DKC1: variants seen among roughly 807,000 people sequenced by gnomAD.
The protein encoded by DKC1 is dyskerin pseudouridine synthase 1, also known as H/ACA ribonucleoprotein complex subunit DKC1.
Under a neutral mutation model 46.7 loss-of-function variants are expected in DKC1, and 4 were observed. The ratio of observed to expected loss-of-function variants is 0.09; its 90% CI spans 0.04 to 0.20. The LOEUF (loss-of-function observed/expected upper bound fraction) is 0.20. DKC1 is among the 10% of genes least tolerant of loss of function. The pLI, the probability that DKC1 is intolerant of heterozygous loss-of-function variation, is 1.00. For synonymous variants in DKC1, 141 were observed against 142.4 expected, an observed-to-expected ratio of 0.99 and a Z score of 0.07; for missense variants, 171 against 404.2, an observed-to-expected ratio of 0.42 and a Z score of 4.95.
At chrX:154,775,049 C>T (rs782213857) in intron 12 of DKC1, 146 bp from the exon 13 acceptor site, 9 of 615,507 alleles carry the variant, frequency 1.5e-5, no homozygotes, top group South Asian at 1.1e-4. Context: ...TAGAGGGAGT[C>T]AGTCTGCAAC....
chrX:154,767,029 A>G lies in DKC1; in HGVS notation c.481A>G (p.Asn161Asp). 1 of 1,211,575 alleles carries G rather than the reference A, an allele frequency of 8.3e-7. No individual in the cohort carries two copies. Among genetic ancestry groups the G allele is most frequent in the Non-Finnish European group, 1.1e-6 (1 of 895,340 alleles). The change falls in exon 6 of 15, where the codon AAT becomes GAT. Residue 161 changes from asparagine to aspartate, a missense_variant. Transcript: ENST00000369550. ...KEYVGIVRLHNAIEGGTQLSR... is the reference protein window; with the variant it reads ...KEYVGIVRLHDAIEGGTQLSR... The stretch of plus-strand genomic sequence containing the variant: ...GTATGTGGGGATTGTCCGGCTGCAC[A>G]ATGCTATTGAAGGGGGGACCCAGCT...
In DKC1 at chrX:154,766,014, A is replaced by G. The variant is rs782490890; in HGVS notation, c.263+16A>G. ...ACTATATCAGGTAAGTGTTGGGAGGAGGCACTGTGCAAACTTACTTTCTTT... is the reference window on the plus strand; with the variant it reads ...ACTATATCAGGTAAGTGTTGGGAGGGGGCACTGTGCAAACTTACTTTCTTT... On this transcript the variant is annotated intron_variant, in intron 4 of 14. Transcript: ENST00000369550. The G allele has an allele frequency of 1.4e-5, 16 of 1,151,117 alleles. No homozygotes were observed. The highest frequency in any genetic ancestry group is 1.9e-5 in the Non-Finnish European group (16 of 841,244). 94.9% of individuals were successfully genotyped at this position (1,151,117 alleles called of 1,213,427 possible). A position where few individuals can be genotyped will look rare whatever the true frequency, so the allele number is the denominator to read the frequency against.
intron 9 of DKC1, among the ~76,000 whole-genome samples, chrX:154,769,898 T>C (rs1368119784): frequency 9.0e-6 from 1 of 111,153 alleles, no homozygotes; most frequent in Non-Finnish European, 1.9e-5. Context: ...GAGGGGAGAA[T>C]GTGATCAAAA....
In DKC1 at chrX:154,776,271, A is replaced by G; in HGVS notation, c.1423A>G (p.Lys475Glu). The change falls in exon 14 of 15, where the codon AAG becomes GAG. Residue 475 changes from lysine to glutamate, a missense_variant. Around this residue, in one of 4 missense-constraint regions of DKC1, gnomAD observed 54 missense variants for 64.4 expected, o/e 0.84. Transcript: ENST00000369550. ...LIKKEKKKSK[K>E]DKKAKAGLES... ...CAAGAAGGAAAAGAAGAAGAGTAAG[A>G]AGGACAAGAAGGCCAAAGCTGGTCT... The G allele has an allele frequency of 1.7e-6, 2 of 1,209,595 alleles. No individual in the cohort carries two copies.
chrX:154,773,935 A>ACC (rs1297904648), intron 11 of DKC1, among the ~76,000 whole-genome samples: 9 of 97,348 alleles, frequency 9.2e-5, no homozygotes, highest in Non-Finnish European at 1.5e-4. Context: ...GGGGGGGCTG[A>ACC]CCCCCCCCCA....
At chrX:154,770,467 TAAA>T (rs150045442) in intron 9 of DKC1, among the ~76,000 whole-genome samples, 1 of 67,790 alleles carries the variant, frequency 1.5e-5, no homozygotes. Context: ...GCCTGAAAAT[TAAA>T]AAAAAAAAAA....
chrX:154,769,044 A>C, intron 8 of DKC1, 123 bp from the exon 9 acceptor site: 1 of 587,675 alleles, frequency 1.7e-6, no homozygotes, highest in Non-Finnish European at 2.8e-6. Context: ...CCAGGACTGA[A>C]GAGGCTGAAG....
rs782427674 is a variant in DKC1, at chrX:154,762,952, C to T, written c.-14C>T. ...GGCTGTGGACCGGGCGGCACGCACG[C>T]GGTGCAGGGTAACATGGCGGATGCG... On this transcript the variant is annotated 5_prime_UTR_variant, in exon 1 of 15. Transcript: ENST00000369550. 5 of 1,178,836 alleles carry T rather than the reference C, an allele frequency of 4.2e-6. No homozygotes were observed. The East Asian group carries it at 1.6e-4, about 37-fold the overall frequency.
intron 5 of DKC1, chrX:154,766,609 A>C (rs1035046384): frequency 4.5e-6 from 2 of 448,644 alleles, no homozygotes; most frequent in African/African-American, 4.9e-5. Flanking sequence ...GCATGTATTC[A>C]TCAAGCTGAC....
At chrX:154,770,931 A>T in intron 10 of DKC1, 52 bp downstream of exon 10, 1 of 1,145,666 alleles carries the variant, frequency 8.7e-7, no homozygotes, top group Admixed American at 2.2e-5. Flanking sequence ...GTTACATACT[A>T]GGTGTATATA....
chrX:154,763,893 G>C (rs1175212198), intron 1 of DKC1, among the ~76,000 whole-genome samples: 1 of 111,679 alleles, frequency 9.0e-6, no homozygotes, highest in African/African-American at 3.3e-5. Context: ...GCACAGGGCC[G>C]GGCGCGGTGG....
rs2071882585 is a variant in DKC1, at chrX:154,775,287, T to C, written c.1338+14T>C. 1.7e-6 allele frequency: 2 copies of C among 1,201,900 alleles called. No individual in the cohort carries two copies. The highest frequency in any genetic ancestry group is 2.2e-5 in the Admixed American group (1 of 45,911). ...AAAACTGCGAAGGTGAGTGGCATGC[T>C]GTCCTCAGTTTGGAATGTGCTTAGG... On this transcript the variant is annotated intron_variant, in intron 13 of 14. Coordinates refer to ENST00000369550, the MANE Select transcript of DKC1 (RefSeq NM_001363.5).
chrX:154,775,962 CTGTGCTCCTTCTCT>C lies in DKC1; in HGVS notation c.1339-219_1339-206del, dbSNP rs1473537719. Among the ~76,000 whole-genome samples the C allele has an allele frequency of 2.7e-5, 3 of 112,311 alleles. No homozygotes were observed. The East Asian group carries it at 8.4e-4, about 31-fold the overall frequency. ...TTCCACCCCAAGCCCCGTGCTGCTGCTGTGCTCCTTCTCTTGTGCCTGCCTCAAGGCTTCTTGGA... is the reference window on the plus strand; with the variant it reads ...TTCCACCCCAAGCCCCGTGCTGCTGCTGTGCCTGCCTCAAGGCTTCTTGGA... On this transcript the variant is annotated intron_variant, in intron 13 of 14. Coordinates refer to ENST00000369550, the MANE Select transcript of DKC1 (RefSeq NM_001363.5).
At chrX:154,771,537 C>A (rs1011569417) in intron 10 of DKC1, among the ~76,000 whole-genome samples, 1 of 107,635 alleles carries the variant, frequency 9.3e-6, no homozygotes, top group Non-Finnish European at 1.9e-5. Context: ...GCCAGCCCCC[C>A]ACTACCCTCC....
At position 154,769,307 on chromosome X, in the gene DKC1, T is replaced by C. The variant is rs782525899; in HGVS notation, c.912T>C (p.Ser304=). The C allele has an allele frequency of 8.3e-7, 1 of 1,211,390 alleles. No homozygotes were observed. Among genetic ancestry groups the C allele is most frequent in the Non-Finnish European group, 1.1e-6 (1 of 894,997 alleles). The change falls in exon 9 of 15, where the codon AGT becomes AGC. Residue 304 remains serine, a synonymous_variant. Coordinates refer to ENST00000369550, the MANE Select transcript of DKC1 (RefSeq NM_001363.5). ...ATAAACGGCTGGTTATGAAAGACAG[T>C]GCAGTAAGTTCCGGGTTAGGAGTTT... is the stretch of plus-strand genomic sequence containing the variant. ...TSHKRLVMKD[S]AVNAICYGAK...
rs782611208 is a variant in DKC1, at chrX:154,768,509, A to G, written c.771+77A>G. The stretch of plus-strand genomic sequence containing the variant: ...CCTTTGATGGCACTCCACTTGCTTC[A>G]TGTCGTGGGAAAGATGCTTTCCAAA... On this transcript the variant is annotated intron_variant, in intron 8 of 14. Coordinates refer to ENST00000369550, the MANE Select transcript of DKC1 (RefSeq NM_001363.5). 21 of 1,155,848 alleles carry G rather than the reference A, an allele frequency of 1.8e-5. No individual in the cohort carries two copies. The Admixed American group carries it at 4.6e-4, about 25-fold the overall frequency.
Position 154,777,006 on chromosome X carries a change from A to G in DKC1, c.*139A>G, listed in dbSNP as rs2071908488. 1 of 482,841 alleles carries G rather than the reference A, an allele frequency of 2.1e-6. No individual in the cohort carries two copies. The highest frequency in any genetic ancestry group is 3.5e-6 in the Non-Finnish European group (1 of 282,659). 39.8% of individuals were successfully genotyped at this position (482,841 alleles called of 1,213,427 possible). A position where few individuals can be genotyped will look rare whatever the true frequency, so the allele number is the denominator to read the frequency against. ...GGCACATTTTAGCTGCTACTTTGAG[A>G]CCTCGGTGATGTTACCTGGTGTGGT... On this transcript the variant is annotated 3_prime_UTR_variant, in exon 15 of 15. Transcript: ENST00000369550.
Position 154,768,370 on chromosome X carries a change from T to C in DKC1, c.709T>C (p.Leu237=), listed in dbSNP as rs1557264481. 1.7e-6 allele frequency: 2 copies of C among 1,211,538 alleles called. No individual in the cohort carries two copies. The highest frequency in any genetic ancestry group is 2.3e-4 in the Middle Eastern group (1 of 4,354). The change falls in exon 8 of 15, where the codon TTG becomes CTG. Residue 237 remains leucine (L), a synonymous_variant. Transcript: ENST00000369550. The part of the protein sequence containing the change: ...RTLCVHLGLL[L]GVGGQMQELR... ...ATTATGTGTGCACCTTGGTTTGTTA[T>C]TGGGAGTTGGTGGTCAGATGCAGGA... is the stretch of plus-strand genomic sequence containing the variant.
rs201963962 is a variant in DKC1, at chrX:154,766,249, C to T, written c.297C>T (p.Asn99=). The change falls in exon 5 of 15, where the codon AAC becomes AAT. Residue 99 remains asparagine, a synonymous_variant. Coordinates refer to ENST00000369550, the MANE Select transcript of DKC1 (RefSeq NM_001363.5). ...TCATTAATCTTGACAAGCCCTCTAA[C>T]CCCTCTTCCCATGAGGTGGTAGCCT... is the stretch of plus-strand genomic sequence containing the variant. ...TGFINLDKPS[N]PSSHEVVAWI... 5.0e-6 allele frequency: 6 copies of T among 1,208,014 alleles called. No individual in the cohort carries two copies.
Sources: gnomAD v4.1 joint callset for allele counts (sites outside exome capture counted in the v4.1 genomes callset) on GRCh38, gnomAD v4.1.1 for gene constraint, gnomAD v4.1.1 regional missense constraint, MANE v1.5 for transcripts, NCBI Gene and HGNC (gene_info 2026-07-23, HGNC 2026-07-21) for gene names.